MAL2: variants seen among roughly 807,000 people sequenced by gnomAD.
MAL2 encodes the protein protein MAL2.
In MAL2, 17 loss-of-function variants were observed where a neutral mutation model predicts 18.1. That is an observed-to-expected ratio of 0.94 (90% CI 0.64 to 1.41). The LOEUF (loss-of-function observed/expected upper bound fraction) is 1.41. MAL2 is among the 40% of genes most tolerant of loss of function. The pLI is 0.00. For missense variants in MAL2, 222 were observed against 231.9 expected, an observed-to-expected ratio of 0.96 and a Z score of 0.28; for synonymous variants, 102 against 102.3, an observed-to-expected ratio of 1.00 and a Z score of 0.02.
chr8:119,225,507 A>G lies in MAL2; in HGVS notation c.303+3750A>G, dbSNP rs190436552. Among the ~76,000 whole-genome samples the G allele has an allele frequency of 2.8e-3, 430 of 152,256 alleles. 1 individual carries two copies. The highest frequency in any genetic ancestry group is 9.8e-3 in the African/African-American group (405 of 41,538). ...TGGTGTATATGTGCCACATTTTCTT[A>G]ATCCAGCCTCATTGTTGGACATTTC... On this transcript the variant is annotated intron_variant, in intron 2 of 3. Coordinates refer to ENST00000614891, the MANE Select transcript of MAL2 (RefSeq NM_052886.3).
At chr8:119,233,503 T>G (rs548406703) in intron 2 of MAL2, among the ~76,000 whole-genome samples, 1 of 152,162 alleles carries the variant, frequency 6.6e-6, no homozygotes, top group African/African-American at 2.4e-5. Context: ...ATAGCAGCAC[T>G]GATCCACAGA....
At chr8:119,240,474 G>A (rs930717061) in intron 3 of MAL2, among the ~76,000 whole-genome samples, 154 bp downstream of exon 3, 2 of 152,174 alleles carry the variant, frequency 1.3e-5, no homozygotes, top group Admixed American at 6.5e-5. Context: ...AACCTTGTAA[G>A]CAAAGTGCCA....
In MAL2 at chr8:119,208,655, CG is replaced by C; in HGVS notation, c.132+53del. 7.9e-7 allele frequency: 1 copy of C among 1,259,242 alleles called. No homozygotes were observed. The highest frequency in any genetic ancestry group is 2.9e-5 in the South Asian group (1 of 34,410). 78.0% of individuals were successfully genotyped at this position (1,259,242 alleles called of 1,614,324 possible). On this transcript the variant is annotated intron_variant, in intron 1 of 3. Coordinates refer to ENST00000614891, the MANE Select transcript of MAL2 (RefSeq NM_052886.3). The surrounding 1 kb of genome is among the most constrained non-coding windows in gnomAD (Gnocchi z 4.3). ...TCGCGCGGGGAGCGAGGACAGGCGG[CG>C]GCATCCTTGTCCCCCGGGCTGTCTT...
chr8:119,211,625 A>G (rs1817269299), intron 1 of MAL2, among the ~76,000 whole-genome samples: 1 of 152,064 alleles, frequency 6.6e-6, no homozygotes, highest in Non-Finnish European at 1.5e-5. Context: ...GTGCCAGCCT[A>G]CGAGCACCAG....
At chr8:119,212,764 C>G (rs1038823271) in intron 1 of MAL2, among the ~76,000 whole-genome samples, 3 of 152,048 alleles carry the variant, frequency 2.0e-5, no homozygotes, top group African/African-American at 7.2e-5. Context: ...CACGTACAAA[C>G]ACAGAGACAA....
At chr8:119,235,604 CA>C (rs1817869973) in intron 2 of MAL2, among the ~76,000 whole-genome samples, 1 of 151,958 alleles carries the variant, frequency 6.6e-6, no homozygotes, top group Non-Finnish European at 1.5e-5. Context: ...GGTCTCTTGG[CA>C]GAAACCCTAC....
At chr8:119,228,444 G>T (rs574715434) in intron 2 of MAL2, among the ~76,000 whole-genome samples, 4 of 151,882 alleles carry the variant, frequency 2.6e-5, no homozygotes, top group African/African-American at 9.6e-5. Flanking sequence ...TTCCAATGGG[G>T]ACACAATAAC....
At chr8:119,243,216 G>A (rs1818081106) in intron 3 of MAL2, among the ~76,000 whole-genome samples, 1 of 151,664 alleles carries the variant, frequency 6.6e-6, no homozygotes, top group Non-Finnish European at 1.5e-5. Flanking sequence ...ATGTTTAAAG[G>A]AAGGGGGGAG....
intron 1 of MAL2, among the ~76,000 whole-genome samples, chr8:119,219,023 T>TA (rs1817412018): frequency 6.6e-6 from 1 of 152,182 alleles, no homozygotes; most frequent in African/African-American, 2.4e-5. Context: ...AAGACATACT[T>TA]ATATCGCCTT....
intron 2 of MAL2, among the ~76,000 whole-genome samples, chr8:119,237,055 TAAAG>T (rs1469618081): frequency 6.6e-6 from 1 of 151,100 alleles, no homozygotes; most frequent in African/African-American, 2.4e-5. Flanking sequence ...GCAAGACTAA[TAAAG>T]AAAAAAAGAA....
chr8:119,220,593 C>A (rs1817446940), intron 1 of MAL2, among the ~76,000 whole-genome samples: 1 of 152,198 alleles, frequency 6.6e-6, no homozygotes, highest in Non-Finnish European at 1.5e-5. Context: ...TCAGCACCTC[C>A]TCGCTCAGTC....
intron 3 of MAL2, among the ~76,000 whole-genome samples, chr8:119,242,459 A>G (rs1169473284): frequency 6.6e-6 from 1 of 152,174 alleles, no homozygotes. Context: ...ACTAAAATGT[A>G]TTAGCCATCC....
chr8:119,225,262 C>T (rs1300275344), intron 2 of MAL2, among the ~76,000 whole-genome samples: 1 of 151,902 alleles, frequency 6.6e-6, no homozygotes, highest in Non-Finnish European at 1.5e-5. Flanking sequence ...TAATGCTATC[C>T]CTCCCCACTC....
rs1021337606 is a variant in MAL2 at position 119,226,402 on chromosome 8, TC to T, written c.303+4652del. Among the ~76,000 whole-genome samples the T allele has an allele frequency of 6.0e-5, 9 of 150,736 alleles. No homozygotes were observed. In the East Asian group the frequency reaches 7.8e-4, roughly 13 times the overall value. ...ACCATTTATTCAATAGGGAATCCTT[TC>T]CCCCCCTTTTTTTTTTTAACTAGTA... On this transcript the variant is annotated intron_variant, in intron 2 of 3. Transcript: ENST00000614891.
At chr8:119,233,574 A>C (rs1817788564) in intron 2 of MAL2, among the ~76,000 whole-genome samples, 1 of 152,232 alleles carries the variant, frequency 6.6e-6, no homozygotes, top group Admixed American at 6.5e-5. Context: ...TAGAAAATCT[A>C]GAAGAAATGG....
chr8:119,232,226 AAAT>A (rs1406904338), intron 2 of MAL2, among the ~76,000 whole-genome samples: 4 of 152,046 alleles, frequency 2.6e-5, no homozygotes, highest in African/African-American at 4.8e-5. Context: ...TTCTCAATTA[AAAT>A]AATTTTTTTT....
At chr8:119,209,496 A>G (rs1160461989) in intron 1 of MAL2, among the ~76,000 whole-genome samples, 1 of 152,234 alleles carries the variant, frequency 6.6e-6, no homozygotes, top group Non-Finnish European at 1.5e-5. Flanking sequence ...GTGCAAATAT[A>G]AATTGGGCAA....
intron 1 of MAL2, among the ~76,000 whole-genome samples, chr8:119,217,796 C>T (rs1365391329): frequency 6.6e-6 from 1 of 152,136 alleles, no homozygotes; most frequent in East Asian, 1.9e-4. Flanking sequence ...ATATGGCCAC[C>T]TCCAGAGTCG....
intron 1 of MAL2, among the ~76,000 whole-genome samples, chr8:119,220,011 A>AT (rs1017347097): frequency 6.6e-5 from 10 of 152,002 alleles, no homozygotes; most frequent in African/African-American, 2.4e-4. Context: ...GGAACTGTGG[A>AT]TTTTTTTTCT....
Sources: allele counts gnomAD v4.1 joint callset (sites outside exome capture counted in the v4.1 genomes callset), GRCh38; gene constraint gnomAD v4.1.1; non-coding constraint Gnocchi (gnomAD v3.1); transcripts MANE v1.5; gene names NCBI Gene and HGNC (gene_info 2026-07-23, HGNC 2026-07-21).